The following CACNA2D3 variants were observed in gnomAD, a reference collection of about 807,000 sequenced individuals.
CACNA2D3 encodes the protein calcium voltage-gated channel auxiliary subunit alpha2delta 3.
In CACNA2D3, 60 loss-of-function variants were observed where a neutral mutation model predicts 160.6. That is an observed-to-expected ratio of 0.37 (90% confidence interval 0.30 to 0.46). The LOEUF is 0.46. CACNA2D3 is among the 20% of genes least tolerant of loss of function. CACNA2D3 has a pLI of 1.00. For missense variants in CACNA2D3, 1,205 were observed against 1,365.0 expected, an observed-to-expected ratio of 0.88 and a Z score of 1.85; for synonymous variants, 558 against 492.9, an observed-to-expected ratio of 1.13 and a Z score of -1.75.
chr3:54,479,973 C>T (rs1700906219), intron 4 of CACNA2D3, among the ~76,000 whole-genome samples: 1 of 152,092 alleles, frequency 6.6e-6, no homozygotes, highest in Non-Finnish European at 1.5e-5. Context: ...AGAATTTCTT[C>T]TCCTCTCAAT....
chr3:54,659,411 C>T (rs558214339), intron 11 of CACNA2D3, among the ~76,000 whole-genome samples: 2 of 152,238 alleles, frequency 1.3e-5, no homozygotes, highest in South Asian at 4.1e-4. Flanking sequence ...TAGTATATCC[C>T]TTTTGTAAGT....
chr3:54,340,858 A>C (rs1321137994), intron 3 of CACNA2D3, among the ~76,000 whole-genome samples: 6 of 152,176 alleles, frequency 3.9e-5, no homozygotes, highest in Admixed American at 1.3e-4. Context: ...CACAAGGCTG[A>C]AGTTTGTCTA....
chr3:54,633,394 G>C (rs891320848), intron 10 of CACNA2D3, among the ~76,000 whole-genome samples: 1 of 152,162 alleles, frequency 6.6e-6, no homozygotes, highest in African/African-American at 2.4e-5. Flanking sequence ...TAATGATAGC[G>C]TTGGAAGACT....
chr3:54,986,889 A>G (rs1234578213), intron 30 of CACNA2D3, among the ~76,000 whole-genome samples: 2 of 152,184 alleles, frequency 1.3e-5, no homozygotes, highest in African/African-American at 2.4e-5. Flanking sequence ...CCCATGGGAC[A>G]CCTTGCATGA....
chr3:55,009,362 A>T, intron 33 of CACNA2D3, 26 bp from the exon 34 acceptor site: 1 of 1,610,402 alleles, frequency 6.2e-7, no homozygotes, highest in South Asian at 1.1e-5. Context: ...ACGAAGTAAC[A>T]TTGGGCTTTT....
At chr3:55,002,562 C>T (rs767976437) in intron 31 of CACNA2D3, among the ~76,000 whole-genome samples, 1 of 152,176 alleles carries the variant, frequency 6.6e-6, no homozygotes, top group African/African-American at 2.4e-5. Context: ...GAAGTTTGTG[C>T]GGGGACATCC....
At chr3:54,714,219 C>T (rs528143559) in intron 11 of CACNA2D3, among the ~76,000 whole-genome samples, 14 of 152,082 alleles carry the variant, frequency 9.2e-5, no homozygotes, top group East Asian at 3.9e-4. Flanking sequence ...GAAACAAGGG[C>T]GCTATTGTTT....
chr3:54,898,086 C>T (rs1700232714), intron 26 of CACNA2D3, among the ~76,000 whole-genome samples: 1 of 151,102 alleles, frequency 6.6e-6, no homozygotes. Context: ...TGCTTGCTTG[C>T]TTTCTTCCTT....
chr3:54,971,878 C>A (rs1311746474), intron 29 of CACNA2D3, among the ~76,000 whole-genome samples: 1 of 152,110 alleles, frequency 6.6e-6, no homozygotes, highest in African/African-American at 2.4e-5. Context: ...GTTTTCTCAA[C>A]TATACAATGG....
At chr3:54,463,718 T>A (rs1052205100) in intron 4 of CACNA2D3, among the ~76,000 whole-genome samples, 4 of 152,214 alleles carry the variant, frequency 2.6e-5, no homozygotes, top group Non-Finnish European at 5.9e-5. Context: ...TGGTTTGAAT[T>A]TCCTCCTGTA....
intron 10 of CACNA2D3, chr3:54,638,430 T>A (rs1699427472): frequency 6.6e-6 from 1 of 151,928 alleles, no homozygotes; most frequent in South Asian, 2.1e-4. Context: ...GGAATGAAAC[T>A]GTAAGCCGGA....
intron 13 of CACNA2D3, among the ~76,000 whole-genome samples, chr3:54,816,177 C>G (rs1703446960): frequency 1.3e-5 from 2 of 152,204 alleles, no homozygotes; most frequent in South Asian, 4.1e-4. Flanking sequence ...TTTAAATGCA[C>G]AAATCCTGGT....
At chr3:55,004,931 A>C (rs1575431643) in intron 32 of CACNA2D3, 93 bp downstream of exon 32, 1 of 840,862 alleles carries the variant, frequency 1.2e-6, no homozygotes, top group East Asian at 2.6e-5. Flanking sequence ...AATCAAGTTT[A>C]TCTTTTTGCA....
At chr3:54,728,747 C>T (rs563155641) in intron 11 of CACNA2D3, among the ~76,000 whole-genome samples, 2 of 152,300 alleles carry the variant, frequency 1.3e-5, no homozygotes, top group South Asian at 4.1e-4. Context: ...TATAATTTGT[C>T]CTGACTCTGC....
intron 4 of CACNA2D3, among the ~76,000 whole-genome samples, chr3:54,391,383 T>G (rs142299137): frequency 1.3e-5 from 2 of 152,172 alleles, no homozygotes; most frequent in Admixed American, 1.3e-4. Context: ...AAAAACTGTA[T>G]TGGGGCAAGA....
chr3:54,643,116 T>C lies in CACNA2D3; in HGVS notation c.1167+875T>C, dbSNP rs552803417. Among the ~76,000 whole-genome samples, 12 of 53,830 alleles carry C rather than the reference T, an allele frequency of 2.2e-4. No homozygotes were observed. In the East Asian group the frequency reaches 3.3e-3, roughly 15 times the overall value. 35.3% of individuals were successfully genotyped at this position (53,830 alleles called of 152,430 possible). On this transcript the variant is annotated intron_variant, in intron 11 of 37. Transcript: ENST00000474759. ...GTTTTTCTACTGCATGTGCCAGTAGTGTTATCCTGACTGTCTATAGGTACA... is the reference window on the plus strand; with the variant it reads ...GTTTTTCTACTGCATGTGCCAGTAGCGTTATCCTGACTGTCTATAGGTACA...
intron 5 of CACNA2D3, among the ~76,000 whole-genome samples, chr3:54,514,167 G>A (rs1384324257): frequency 6.6e-6 from 1 of 152,134 alleles, no homozygotes; most frequent in Non-Finnish European, 1.5e-5. Flanking sequence ...AAAATGGGAG[G>A]CAAATTCTGC....
At chr3:54,885,252 T>C (rs763834677) in intron 21 of CACNA2D3, 29 bp from the exon 22 acceptor site, 7 of 1,612,936 alleles carry the variant, frequency 4.3e-6, no homozygotes, top group Admixed American at 1.7e-5. Context: ...GTGATACTTA[T>C]TCATGAACCC....
chr3:54,260,797 C>A (rs1198929185), intron 2 of CACNA2D3, among the ~76,000 whole-genome samples: 1 of 152,058 alleles, frequency 6.6e-6, no homozygotes, highest in Non-Finnish European at 1.5e-5. Context: ...AGTGCTCTTT[C>A]CCCACTTCTT....
Sources: gnomAD v4.1 joint callset for allele counts (sites outside exome capture counted in the v4.1 genomes callset) on GRCh38, gnomAD v4.1.1 for gene constraint, MANE v1.5 for transcripts, NCBI Gene and HGNC (gene_info 2026-07-23, HGNC 2026-07-21) for gene names.